LEKR1: variants seen among roughly 807,000 people sequenced by gnomAD.
LEKR1 encodes the protein leucine, glutamate and lysine rich 1, also known as protein LEKR1.
A neutral mutation model predicts 72.4 loss-of-function variants in LEKR1; 59 were observed. The observed-to-expected ratio is 0.82, with a 90% CI of 0.66 to 1.01. The LOEUF is 1.01. Among genes scored for constraint, LEKR1 ranks in the 50% least tolerant of loss-of-function variants. The probability of loss-of-function intolerance (pLI) is 0.00; values close to 1 mark genes in which losing one functional copy is unlikely to be tolerated. For synonymous variants in LEKR1, 257 were observed against 263.2 expected (o/e 0.98, Z 0.23); for missense variants, 728 against 759.2 (o/e 0.96, Z 0.48).
At chr3:157,031,581 G>T (rs1343181446) in intron 12 of LEKR1, among the ~76,000 whole-genome samples, 3 of 152,102 alleles carry the variant, frequency 2.0e-5, no homozygotes, top group Admixed American at 1.3e-4. Flanking sequence ...AAAAGGGATA[G>T]GATTTATGAG....
chr3:157,011,464 C>A lies in LEKR1; in HGVS notation c.1161C>A (p.Thr387=). Residue 387 remains threonine, a synonymous_variant, in exon 10 of 13, where the codon ACC becomes ACA. Coordinates refer to ENST00000356539, the MANE Select transcript of LEKR1 (RefSeq NM_001004316.3). Reference sequence around the variant, plus strand: ...AAAGCATCGAGCAGCTGCAAGAAACCCTTAGACAGAAGCTGCTGAGTGATG... The same window carrying A: ...AAAGCATCGAGCAGCTGCAAGAAACACTTAGACAGAAGCTGCTGAGTGATG... ...HQKSIEQLQE[T]LRQKLLSDDN... 2 of 1,613,114 alleles carry A rather than the reference C, an allele frequency of 1.2e-6. No individual in the cohort carries two copies. Among genetic ancestry groups the A allele is most frequent in the African/African-American group, 1.3e-5 (1 of 74,972 alleles).
intron 2 of LEKR1, 98 bp from the exon 3 acceptor site, chr3:156,852,670 G>A: frequency 1.6e-6 from 1 of 619,716 alleles, no homozygotes; most frequent in Non-Finnish European, 2.8e-6. Context: ...AGTATACTAT[G>A]TATTTACTTC....
chr3:156,872,557 A>G (rs1718080258), intron 3 of LEKR1, among the ~76,000 whole-genome samples: 1 of 151,836 alleles, frequency 6.6e-6, no homozygotes, highest in African/African-American at 2.4e-5. Context: ...AAATCTGTCT[A>G]TTGTTTGATA....
At chr3:156,848,334 A>G (rs1171084983) in intron 2 of LEKR1, among the ~76,000 whole-genome samples, 1 of 152,226 alleles carries the variant, frequency 6.6e-6, no homozygotes, top group Non-Finnish European at 1.5e-5. Context: ...TACAGTGCCC[A>G]TAAATTACAA....
chr3:156,935,313 G>A (rs1232289957), intron 5 of LEKR1, among the ~76,000 whole-genome samples: 1 of 152,134 alleles, frequency 6.6e-6, no homozygotes, highest in Non-Finnish European at 1.5e-5. Context: ...ACAACAGATG[G>A]GGTGTGTCAA....
At chr3:156,882,101 C>T (rs1400734455) in intron 3 of LEKR1, among the ~76,000 whole-genome samples, 22 of 144,978 alleles carry the variant, frequency 1.5e-4, no homozygotes, top group African/African-American at 5.1e-4. Flanking sequence ...GCAAGGACTT[C>T]ATGTCTAAAA....
intron 2 of LEKR1, among the ~76,000 whole-genome samples, chr3:156,841,286 A>G (rs1406218517): frequency 6.6e-6 from 1 of 152,228 alleles, no homozygotes; most frequent in East Asian, 1.9e-4. Context: ...GCCAAGTTAG[A>G]GAATGTTTAA....
chr3:156,941,711 T>G (rs1455339955), intron 5 of LEKR1, among the ~76,000 whole-genome samples: 1 of 152,052 alleles, frequency 6.6e-6, no homozygotes, highest in Non-Finnish European at 1.5e-5. Flanking sequence ...CAATTAATTG[T>G]GGTTGTACAA....
intron 10 of LEKR1, among the ~76,000 whole-genome samples, chr3:157,016,060 A>T (rs540049079): frequency 1.3e-5 from 2 of 152,268 alleles, no homozygotes; most frequent in South Asian, 4.1e-4. Flanking sequence ...CAAACAAAAA[A>T]AACCTCAGAA....
chr3:157,012,837 A>C (rs140230429), intron 10 of LEKR1, among the ~76,000 whole-genome samples: 1 of 151,914 alleles, frequency 6.6e-6, no homozygotes, highest in Non-Finnish European at 1.5e-5. Flanking sequence ...TCTCATTTTT[A>C]TTAGCCTCAG....
chr3:156,868,939 C>T (rs901551942), intron 3 of LEKR1, among the ~76,000 whole-genome samples: 1 of 151,970 alleles, frequency 6.6e-6, no homozygotes, highest in Non-Finnish European at 1.5e-5. Context: ...TAAGTAAGAA[C>T]ATGCAGCATT....
chr3:156,969,237 A>G (rs1728920883), intron 6 of LEKR1, among the ~76,000 whole-genome samples: 1 of 152,216 alleles, frequency 6.6e-6, no homozygotes, highest in Admixed American at 6.5e-5. Context: ...AAGAGCAGAC[A>G]CATTCAAAAG....
intron 3 of LEKR1, among the ~76,000 whole-genome samples, chr3:156,892,932 A>G (rs191884421): frequency 6.6e-6 from 1 of 152,304 alleles, no homozygotes; most frequent in East Asian, 1.9e-4. Flanking sequence ...CCTGTTTGCA[A>G]TGAAGGAGTC....
intron 10 of LEKR1, among the ~76,000 whole-genome samples, chr3:157,020,728 G>T (rs370398394): frequency 2.0e-5 from 3 of 151,980 alleles, no homozygotes; most frequent in South Asian, 2.1e-4. Flanking sequence ...GAATAATGCC[G>T]CAGTAAACAT....
chr3:157,035,216 A>G (rs1192993897), intron 12 of LEKR1, among the ~76,000 whole-genome samples: 1 of 152,194 alleles, frequency 6.6e-6, no homozygotes, highest in African/African-American at 2.4e-5. Flanking sequence ...TTATTGCAAT[A>G]TTTGCTTTAT....
intron 3 of LEKR1, among the ~76,000 whole-genome samples, chr3:156,865,077 G>T (rs11915072): frequency 1.4e-3 from 208 of 151,982 alleles, no homozygotes; most frequent in African/African-American, 4.8e-3. Context: ...TCTTCACCTG[G>T]CTGTATCACA....
chr3:156,876,909 G>A (rs1344292505), intron 3 of LEKR1, among the ~76,000 whole-genome samples: 2 of 152,018 alleles, frequency 1.3e-5, no homozygotes, highest in African/African-American at 4.8e-5. Context: ...CAGTTCTCAA[G>A]GGTAATGTTT....
chr3:156,968,236 G>A (rs1728812150), intron 6 of LEKR1, among the ~76,000 whole-genome samples: 2 of 152,146 alleles, frequency 1.3e-5, no homozygotes, highest in African/African-American at 2.4e-5. Flanking sequence ...AAAATAACCA[G>A]CTAACATCAT....
intron 6 of LEKR1, among the ~76,000 whole-genome samples, chr3:156,957,498 C>T (rs1727753140): frequency 6.6e-6 from 1 of 151,414 alleles, no homozygotes; most frequent in Admixed American, 6.6e-5. Context: ...CCCAACACAT[C>T]TTTCAAGATT....
Sources: gnomAD v4.1 joint callset for allele counts (sites outside exome capture counted in the v4.1 genomes callset) on GRCh38, gnomAD v4.1.1 for gene constraint, MANE v1.5 for transcripts, NCBI Gene and HGNC (gene_info 2026-07-23, HGNC 2026-07-21) for gene names.